Variants in PDE11A observed in about 807,000 individuals in gnomAD.
PDE11A encodes dual 3',5'-cyclic-AMP and -GMP phosphodiesterase 11A.
Under a neutral mutation model 100.5 loss-of-function variants are expected in PDE11A, and 100 were observed. That is an observed-to-expected ratio of 1.00 (90% CI 0.85 to 1.18). The LOEUF (loss-of-function observed/expected upper bound fraction) is 1.18. PDE11A is among the 50% of genes most tolerant of loss of function. The probability of loss-of-function intolerance (pLI) is 0.00; values close to 1 mark genes in which losing one functional copy is unlikely to be tolerated. For missense variants in PDE11A, 1,141 were observed against 1,152.6 expected, an observed-to-expected ratio of 0.99 and a Z score of 0.15; for synonymous variants, 381 against 420.8, an observed-to-expected ratio of 0.91 and a Z score of 1.16.
chr2:177,931,146 A>G (rs951400393), intron 2 of PDE11A, among the ~76,000 whole-genome samples: 6 of 149,186 alleles, frequency 4.0e-5, no homozygotes, highest in African/African-American at 1.5e-4. Context: ...ACAAGAGCGA[A>G]ACTCCGTCTC....
intron 13 of PDE11A, among the ~76,000 whole-genome samples, chr2:177,703,833 C>T (rs2081237700): frequency 6.6e-6 from 1 of 152,186 alleles, no homozygotes; most frequent in South Asian, 2.1e-4. Flanking sequence ...GCTTCTGAGG[C>T]ACTGCTCCTT....
chr2:177,894,299 A>G (rs1414836311), intron 4 of PDE11A, among the ~76,000 whole-genome samples: 1 of 152,090 alleles, frequency 6.6e-6, no homozygotes, highest in Non-Finnish European at 1.5e-5. Flanking sequence ...CTTTACCCCA[A>G]ACTTCTCCCA....
chr2:178,013,865 G>A (rs144814547), intron 2 of PDE11A, among the ~76,000 whole-genome samples: 17 of 152,160 alleles, frequency 1.1e-4, no homozygotes, highest in African/African-American at 3.4e-4. Flanking sequence ...AATAACATTC[G>A]TTTTTATTGA....
At chr2:177,664,383 G>T (rs2080536971) in intron 18 of PDE11A, among the ~76,000 whole-genome samples, 1 of 152,112 alleles carries the variant, frequency 6.6e-6, no homozygotes, top group Non-Finnish European at 1.5e-5. Flanking sequence ...CAATTTTATT[G>T]TAAATAGAAA....
intron 2 of PDE11A, among the ~76,000 whole-genome samples, chr2:178,079,865 T>C (rs756290643): frequency 1.3e-5 from 2 of 152,214 alleles, no homozygotes; most frequent in Non-Finnish European, 2.9e-5. Context: ...TGGTATCTCA[T>C]TGTGGTTTTC....
At chr2:177,798,331 C>T (rs146943992) in intron 9 of PDE11A, among the ~76,000 whole-genome samples, 3 of 152,272 alleles carry the variant, frequency 2.0e-5, no homozygotes, top group African/African-American at 7.2e-5. Flanking sequence ...TATCTCTGTC[C>T]TCTATTAGAC....
chr2:177,940,081 G>A (rs898335272), intron 2 of PDE11A, among the ~76,000 whole-genome samples: 2 of 152,162 alleles, frequency 1.3e-5, no homozygotes, highest in Non-Finnish European at 1.5e-5. Flanking sequence ...TTTGCTTCAC[G>A]ATAACATGGG....
intron 2 of PDE11A, among the ~76,000 whole-genome samples, chr2:178,002,752 A>G (rs575334383): frequency 1.1e-4 from 16 of 152,338 alleles, no homozygotes; most frequent in African/African-American, 3.6e-4. Context: ...TACACTGAAT[A>G]AACCAAAGGG....
intron 5 of PDE11A, among the ~76,000 whole-genome samples, chr2:177,853,661 T>C (rs1336924224): frequency 1.6e-4 from 5 of 31,334 alleles, no homozygotes; most frequent in Non-Finnish European, 2.5e-4. Context: ...TATATATATA[T>C]ATATATATAT....
intron 2 of PDE11A, among the ~76,000 whole-genome samples, chr2:177,919,120 CAG>C (rs1193001612): frequency 2.2e-5 from 3 of 136,726 alleles, no homozygotes; most frequent in Non-Finnish European, 4.9e-5. Flanking sequence ...TTTTTTGAGA[CAG>C]AGTCTCGCTT....
intron 1 of PDE11A, among the ~76,000 whole-genome samples, chr2:178,036,900 AC>A (rs1327285431): frequency 1.3e-5 from 2 of 152,178 alleles, no homozygotes; most frequent in Non-Finnish European, 2.9e-5. Context: ...TAAATGTAAA[AC>A]CCAAAACCAT....
rs75331497 is a variant in PDE11A, at chr2:177,668,709, A to G, written c.2562+784T>C. ...CCTTATAAATACCTCCAAATGTTCA[A>G]GCTCAGTTAATTTGGGTTCTCATAA... On this transcript the variant is annotated intron_variant, in intron 18 of 19. Transcript: ENST00000286063. Among the ~76,000 whole-genome samples, 339 of 152,338 alleles carry G rather than the reference A, an allele frequency of 2.2e-3. 2 individuals are homozygous for G. The highest frequency in any genetic ancestry group is 7.7e-3 in the African/African-American group (321 of 41,586).
intron 9 of PDE11A, among the ~76,000 whole-genome samples, chr2:177,788,809 G>A (rs1299878757): frequency 5.3e-5 from 8 of 152,150 alleles, no homozygotes; most frequent in South Asian, 2.1e-4. Flanking sequence ...TAAATTCCTC[G>A]ACACATACAC....
intron 1 of PDE11A, among the ~76,000 whole-genome samples, chr2:178,034,170 CA>C (rs2086581478): frequency 6.6e-6 from 1 of 151,580 alleles, no homozygotes; most frequent in Non-Finnish European, 1.5e-5. Context: ...TGCAAAGACA[CA>C]TAGGGTCAAA....
chr2:178,066,284 C>G (rs891955995), intron 1 of PDE11A, among the ~76,000 whole-genome samples: 1 of 152,186 alleles, frequency 6.6e-6, no homozygotes, highest in Admixed American at 6.5e-5. Flanking sequence ...CTACCTTAGA[C>G]TCCATATGAC....
intron 2 of PDE11A, among the ~76,000 whole-genome samples, chr2:177,917,964 T>C (rs930158369): frequency 6.6e-6 from 1 of 152,204 alleles, no homozygotes; most frequent in Non-Finnish European, 1.5e-5. Flanking sequence ...TACCCTAAAA[T>C]GAATATTATA....
intron 6 of PDE11A, among the ~76,000 whole-genome samples, chr2:177,837,868 C>T (rs7592731): frequency 8.6e-5 from 13 of 151,962 alleles, no homozygotes; most frequent in South Asian, 2.1e-4. Context: ...TCAGGTAATA[C>T]GGGATTTAAA....
In PDE11A at chr2:177,737,524, C is replaced by T. The variant is rs1256124335; in HGVS notation, c.1789-9352G>A. On this transcript the variant is annotated intron_variant, in intron 10 of 19. Transcript: ENST00000286063. ...GCTCAGGCAGGAGAATGGCATTAGC[C>T]TGGGAGGCGGAGCTTGCAGTGAGCT... Among the ~76,000 whole-genome samples, 4 of 150,936 alleles carry T rather than the reference C, an allele frequency of 2.7e-5. No individual in the cohort carries two copies. The Admixed American group carries it at 2.7e-4, about 10-fold the overall frequency.
intron 1 of PDE11A, chr2:178,018,588 G>A (rs1411930647): frequency 3.1e-6 from 1 of 318,096 alleles, no homozygotes; most frequent in Non-Finnish European, 6.1e-6. Context: ...GTTCATTGTT[G>A]AGACAAAACT....
Sources: gnomAD v4.1 joint callset for allele counts (sites outside exome capture counted in the v4.1 genomes callset) on GRCh38, gnomAD v4.1.1 for gene constraint, MANE v1.5 for transcripts, NCBI Gene and HGNC (gene_info 2026-07-23, HGNC 2026-07-21) for gene names.